CELA2A: variants seen among roughly 807,000 people sequenced by gnomAD.
CELA2A encodes chymotrypsin-like elastase family member 2A.
CELA2A carries 31 observed loss-of-function variants against 35.3 expected under a neutral mutation model. The observed-to-expected ratio is 0.88, with a 90% CI of 0.66 to 1.19. CELA2A has a LOEUF of 1.19. Among genes scored for constraint, CELA2A ranks in the 50% most tolerant of loss-of-function variants. CELA2A has a pLI of 0.00. For missense variants in CELA2A, 330 were observed against 352.9 expected, an observed-to-expected ratio of 0.94 and a Z score of 0.52; for synonymous variants, 150 against 149.8, an observed-to-expected ratio of 1.00 and a Z score of -0.01.
intron 5 of CELA2A, among the ~76,000 whole-genome samples, chr1:15,465,758 T>C (rs1708507856): frequency 6.6e-6 from 1 of 152,150 alleles, no homozygotes; most frequent in Non-Finnish European, 1.5e-5. Flanking sequence ...TTATGTCCTC[T>C]GAAACCGGAA....
intron 7 of CELA2A, among the ~76,000 whole-genome samples, chr1:15,470,352 C>A (rs1377716768): frequency 6.6e-6 from 1 of 152,098 alleles, no homozygotes; most frequent in Non-Finnish European, 1.5e-5. Flanking sequence ...AGCAAAAGAG[C>A]AGAGAAGCAG....
intron 5 of CELA2A, 37 bp from the exon 6 acceptor site, chr1:15,465,962 C>T (rs778428882): frequency 1.9e-6 from 3 of 1,610,908 alleles, no homozygotes; most frequent in Non-Finnish European, 2.5e-6. Context: ...CTCAGGAGTC[C>T]CTGCATCCCT....
chr1:15,469,341 ACTC>A (rs1708562390), intron 7 of CELA2A, among the ~76,000 whole-genome samples: 1 of 152,094 alleles, frequency 6.6e-6, no homozygotes, highest in African/African-American at 2.4e-5. Flanking sequence ...CTAGACCAGG[ACTC>A]CTCCACAATT....
In CELA2A at chr1:15,456,734, A is replaced by G. The variant is rs1708366169; in HGVS notation, c.-20A>G. 2 of 1,613,950 alleles carry G rather than the reference A, an allele frequency of 1.2e-6. No homozygotes were observed. The highest frequency in any genetic ancestry group is 2.7e-5 in the African/African-American group (2 of 74,922). ...GGGCCTTATCCAGGGCCACGCTTAC[A>G]GAACTCCCACGGACACACCATGATA... On this transcript the variant is annotated 5_prime_UTR_variant, in exon 1 of 8. Coordinates refer to ENST00000359621, the MANE Select transcript of CELA2A (RefSeq NM_033440.3).
At chr1:15,460,891 C>G (rs533176494) in intron 2 of CELA2A, among the ~76,000 whole-genome samples, 17 of 152,066 alleles carry the variant, frequency 1.1e-4, no homozygotes, top group African/African-American at 3.9e-4. Flanking sequence ...CTGCCTCACA[C>G]GGCTAATAAA....
chr1:15,458,993 A>AT (rs575868715), intron 2 of CELA2A, among the ~76,000 whole-genome samples: 1 of 141,346 alleles, frequency 7.1e-6, no homozygotes, highest in South Asian at 2.3e-4. Context: ...GATATTTCAC[A>AT]TTTTTTTCTT....
At chr1:15,457,437 C>A (rs1221779374) in intron 2 of CELA2A, 7 of 410,934 alleles carry the variant, frequency 1.7e-5, no homozygotes, top group African/African-American at 6.1e-5. Flanking sequence ...CATGGTGAAA[C>A]CTGCCTCTAC....
chr1:15,467,742 G>T (rs185638525), intron 7 of CELA2A, among the ~76,000 whole-genome samples: 2 of 152,282 alleles, frequency 1.3e-5, no homozygotes, highest in Admixed American at 1.3e-4. Flanking sequence ...TGAGTGAAAA[G>T]GAACATAGAG....
chr1:15,463,374 A>G lies in CELA2A; in HGVS notation c.357-12A>G, dbSNP rs376643516. Reference sequence around the variant, plus strand: ...AACCCGGTCCTCATGCTTCGCCTCCACACTCACCCAGGAACGACATTGCCC... The same window carrying G: ...AACCCGGTCCTCATGCTTCGCCTCCGCACTCACCCAGGAACGACATTGCCC... On this transcript the variant is annotated splice_polypyrimidine_tract_variant and intron_variant, in intron 4 of 7. Transcript: ENST00000359621. The G allele has an allele frequency of 1.8e-4, 292 of 1,613,454 alleles. No homozygotes were observed. The highest frequency in any genetic ancestry group is 6.2e-4 in the East Asian group (28 of 44,888).
At chr1:15,461,528 A>C (rs1570796604) in intron 2 of CELA2A, 33 bp from the exon 3 acceptor site, 4 of 1,611,018 alleles carry the variant, frequency 2.5e-6, no homozygotes, top group Non-Finnish European at 3.4e-6. Flanking sequence ...GCTCTTTCAA[A>C]CCTAGCCACA....
chr1:15,466,679 G>A lies in CELA2A; in HGVS notation c.639+535G>A, dbSNP rs560867470. 1.1e-3 allele frequency among the ~76,000 whole-genome samples: 168 copies of A among 151,488 alleles called. 2 individuals are homozygous for A. The Middle Eastern group carries it at 0.017, about 15-fold the overall frequency. On this transcript the variant is annotated intron_variant, in intron 6 of 7. Transcript: ENST00000359621. ...GAAGTCCTTCCCTGGGTCTCATCAA[G>A]GTCTCTCGTGACTGTCACTATGTAT... is the stretch of plus-strand genomic sequence containing the variant.
intron 5 of CELA2A, among the ~76,000 whole-genome samples, chr1:15,463,775 C>T (rs993590522): frequency 2.0e-5 from 3 of 152,064 alleles, no homozygotes; most frequent in African/African-American, 7.2e-5. Context: ...TTTGGCTGGG[C>T]GCAGTGGCTC....
At chr1:15,470,698 A>G (rs139147543) in intron 7 of CELA2A, among the ~76,000 whole-genome samples, 1 of 152,170 alleles carries the variant, frequency 6.6e-6, no homozygotes, top group Admixed American at 6.6e-5. Flanking sequence ...CTTCTGCCTC[A>G]GCCTCCTGAG....
At chr1:15,471,919 CA>C in intron 7 of CELA2A, 70 bp from the exon 8 acceptor site, 1 of 1,596,454 alleles carries the variant, frequency 6.3e-7, no homozygotes, top group Non-Finnish European at 8.6e-7. Context: ...CCCAGGAGGA[CA>C]GAGACAGGAA....
chr1:15,458,590 G>A (rs941676677), intron 2 of CELA2A, among the ~76,000 whole-genome samples: 1 of 152,066 alleles, frequency 6.6e-6, no homozygotes, highest in East Asian at 1.9e-4. Flanking sequence ...AGAGGCCAGC[G>A]TTCATTCATC....
Position 15,467,546 on chromosome 1 carries a change from C to T in CELA2A, c.792+8C>T. 6.2e-7 allele frequency: 1 copy of T among 1,613,786 alleles called. No individual in the cohort carries two copies. The highest frequency in any genetic ancestry group is 8.5e-7 in the Non-Finnish European group (1 of 1,179,832). ...ATCGACTGGATCAATTCGGTAAGAA[C>T]CGGACCAGCCCTGAGCCCCAAGGCA... is the stretch of plus-strand genomic sequence containing the variant. On this transcript the variant is annotated splice_region_variant and intron_variant, in intron 7 of 7. Transcript: ENST00000359621.
intron 5 of CELA2A, among the ~76,000 whole-genome samples, chr1:15,464,739 A>C (rs181779880): frequency 2.8e-4 from 42 of 152,228 alleles, no homozygotes; most frequent in Admixed American, 2.0e-3. Context: ...GTTTCCCCAG[A>C]CAACCCTGGG....
chr1:15,466,323 G>A (rs931418999), intron 6 of CELA2A, among the ~76,000 whole-genome samples, 179 bp downstream of exon 6: 30 of 152,248 alleles, frequency 2.0e-4, no homozygotes, highest in Middle Eastern at 3.4e-3. Context: ...AGCACTTTGA[G>A]AGGCCAGGCG....
intron 7 of CELA2A, 145 bp downstream of exon 7, chr1:15,467,683 T>A: frequency 9.8e-7 from 1 of 1,021,290 alleles, no homozygotes; most frequent in Non-Finnish European, 1.4e-6. Flanking sequence ...CAGACCTGAG[T>A]AACTGCTGGG....
Sources: allele counts gnomAD v4.1 joint callset (sites outside exome capture counted in the v4.1 genomes callset), GRCh38; gene constraint gnomAD v4.1.1; transcripts MANE v1.5; gene names NCBI Gene and HGNC (gene_info 2026-07-23, HGNC 2026-07-21).